Variants in SLC35A3 observed in about 807,000 individuals in gnomAD.
SLC35A3 encodes solute carrier family 35 member A3, also known as UDP-N-acetylglucosamine transporter.
SLC35A3 carries 26 observed loss-of-function variants against 39.0 expected under a neutral mutation model. The observed-to-expected ratio is 0.67, with a 90% CI of 0.49 to 0.92. SLC35A3 has a LOEUF of 0.92. SLC35A3 is among the 40% of genes least tolerant of loss of function. The pLI, the probability that SLC35A3 is intolerant of heterozygous loss-of-function variation, is 0.00. For missense variants in SLC35A3, 299 were observed against 371.6 expected (o/e 0.80, Z 1.61); for synonymous variants, 135 against 133.1 (o/e 1.01, Z -0.10).
At chr1:100,016,715 TA>T (rs1435241900) in intron 6 of SLC35A3, among the ~76,000 whole-genome samples, 1 of 152,020 alleles carries the variant, frequency 6.6e-6, no homozygotes, top group Non-Finnish European at 1.5e-5. Context: ...GAAACAAAGA[TA>T]AGTGAAAATT....
intron 4 of SLC35A3, among the ~76,000 whole-genome samples, chr1:100,010,138 A>T (rs116607626): frequency 0.013 from 2,042 of 152,256 alleles, 18 homozygotes; most frequent in Middle Eastern, 0.058. Context: ...CGATGACCCT[A>T]TTGAGGGTGA....
In SLC35A3 at chr1:100,027,601, A is replaced by C. The variant is rs954212116; in HGVS notation, c.*5125A>C. 1.3e-5 allele frequency: 2 copies of C among 157,750 alleles called. No individual in the cohort carries two copies. The highest frequency in any genetic ancestry group is 6.5e-5 in the Admixed American group (1 of 15,452). The allele number at this position is 157,750 out of a possible 1,614,324, so 9.8% of individuals were successfully genotyped here. A position where few individuals can be genotyped will look rare whatever the true frequency, so the allele number is the denominator to read the frequency against. On this transcript the variant is annotated 3_prime_UTR_variant, in exon 8 of 8. Coordinates refer to ENST00000533028, the MANE Select transcript of SLC35A3 (RefSeq NM_012243.3). ...AGCCTCAAGGTTAAGTAATTATAGA[A>C]GTTTGGTATGTATTTTCTTCATAAT...
intron 3 of SLC35A3, 127 bp downstream of exon 3, chr1:99,999,542 AT>A (rs2101199385): frequency 1.9e-6 from 1 of 538,402 alleles, no homozygotes; most frequent in Non-Finnish European, 3.2e-6. Context: ...AAATCAGGGT[AT>A]TTAGGATATT....
chr1:100,009,905 A>G (rs1337363773), intron 4 of SLC35A3, among the ~76,000 whole-genome samples: 2 of 152,150 alleles, frequency 1.3e-5, no homozygotes, highest in East Asian at 3.8e-4. Flanking sequence ...CAGCAACTGA[A>G]AATCTTGGAC....
chr1:99,993,410 T>C, intron 1 of SLC35A3, 127 bp from the exon 2 acceptor site: 1 of 665,340 alleles, frequency 1.5e-6, no homozygotes, highest in Non-Finnish European at 2.4e-6. Context: ...TTTTTCTTTT[T>C]TCTTTTTGGT....
chr1:100,019,322 A>G (rs1315460166), intron 7 of SLC35A3, among the ~76,000 whole-genome samples: 1 of 152,114 alleles, frequency 6.6e-6, no homozygotes, highest in Non-Finnish European at 1.5e-5. Flanking sequence ...TTTCTGAGGA[A>G]GTATATAAGG....
At position 100,027,941 on chromosome 1, in the gene SLC35A3, CTTTTTTTTTTTT is replaced by C. The variant is rs766486592; in HGVS notation, c.*5480_*5491del. 2 of 109,696 alleles carry C rather than the reference CTTTTTTTTTTTT, an allele frequency of 1.8e-5. No homozygotes were observed. The highest frequency in any genetic ancestry group is 3.6e-5 in the Non-Finnish European group (2 of 55,442). 6.8% of individuals were successfully genotyped at this position (109,696 alleles called of 1,614,324 possible). On this transcript the variant is annotated 3_prime_UTR_variant, in exon 8 of 8. Transcript: ENST00000533028. ...ATCTGAATCTTATAGATAATACTACCTTTTTTTTTTTTTTTTTTTTTTTTTTGAGATGGTGTC... is the reference window on the plus strand; with the variant it reads ...ATCTGAATCTTATAGATAATACTACCTTTTTTTTTTTTTTGAGATGGTGTC...
intron 1 of SLC35A3, among the ~76,000 whole-genome samples, chr1:99,987,875 G>A (rs72965765): frequency 0.032 from 4,893 of 152,182 alleles, 283 homozygotes; most frequent in African/African-American, 0.11. Context: ...TAGACTAACA[G>A]AATGTCCTTA....
chr1:100,017,591 G>A (rs1401888653), intron 6 of SLC35A3, 91 bp from the exon 7 acceptor site: 1 of 775,724 alleles, frequency 1.3e-6, no homozygotes, highest in East Asian at 3.1e-5. Context: ...GAATTTATGG[G>A]ACAAAAGCTT....
chr1:100,017,785 AT>A lies in SLC35A3; in HGVS notation c.862del (p.Trp288GlyfsTer18). 2 of 1,573,032 alleles carry A rather than the reference AT, an allele frequency of 1.3e-6. No individual in the cohort carries two copies. The highest frequency in any genetic ancestry group is 2.3e-5 in the East Asian group (1 of 42,762). On this transcript the variant is annotated frameshift_variant, in exon 7 of 8. Coordinates refer to ENST00000533028, the MANE Select transcript of SLC35A3 (RefSeq NM_012243.3). LOFTEE classifies it high-confidence loss of function. ...ATAATATTATCAACATTGATCTCCTATTTTTGGCTTCAAGATTTTGTGCCAA... is the reference window on the plus strand; with the variant it reads ...ATAATATTATCAACATTGATCTCCTATTTTGGCTTCAAGATTTTGTGCCAA... Reference protein sequence around the residue: ...LSIILSTLISYFWLQDFVPTS... With the variant: ...LSIILSTLISXFWLQDFVPTS...
chr1:99,995,476 C>T (rs1347038850), intron 2 of SLC35A3, among the ~76,000 whole-genome samples: 2 of 151,968 alleles, frequency 1.3e-5, no homozygotes, highest in African/African-American at 4.8e-5. Context: ...TTCTTTCGAA[C>T]TACATCTGGC....
rs1660734120 is a variant in SLC35A3, at chr1:100,024,114, A to G, written c.*1638A>G. 6.6e-6 allele frequency: 1 copy of G among 152,094 alleles called. No individual in the cohort carries two copies. The highest frequency in any genetic ancestry group is 1.5e-5 in the Non-Finnish European group (1 of 68,008). 9.4% of individuals were successfully genotyped at this position (152,094 alleles called of 1,614,324 possible). ...CACTGGAGCTGAGGATGCAGATTAC[A>G]TGAGTTATTTAATAAGTTGATTCAA... On this transcript the variant is annotated 3_prime_UTR_variant, in exon 8 of 8. Transcript: ENST00000533028.
At position 100,033,725 on chromosome 1, in the gene SLC35A3, A is replaced by C. The variant is rs1467262131; in HGVS notation, c.*11249A>C. Reference sequence around the variant, plus strand: ...CTATGTGACCGTCAGTGAATATATTATCTGTTCATATTTTCTGTAGTCTTA... The same window carrying C: ...CTATGTGACCGTCAGTGAATATATTCTCTGTTCATATTTTCTGTAGTCTTA... On this transcript the variant is annotated 3_prime_UTR_variant, in exon 8 of 8. Transcript: ENST00000533028. 1.3e-5 allele frequency: 2 copies of C among 152,186 alleles called. No homozygotes were observed. The highest frequency in any genetic ancestry group is 2.4e-5 in the African/African-American group (1 of 41,452). The allele number at this position is 152,186 out of a possible 1,614,324, so 9.4% of individuals were successfully genotyped here. A position where few individuals can be genotyped will look rare whatever the true frequency, so the allele number is the denominator to read the frequency against.
chr1:100,027,401 A>G lies in SLC35A3; in HGVS notation c.*4925A>G, dbSNP rs1365485146. 2.6e-6 allele frequency: 1 copy of G among 384,148 alleles called. No individual in the cohort carries two copies. The highest frequency in any genetic ancestry group is 4.6e-6 in the Non-Finnish European group (1 of 217,558). 23.8% of individuals were successfully genotyped at this position (384,148 alleles called of 1,614,324 possible). A position where few individuals can be genotyped will look rare whatever the true frequency, so the allele number is the denominator to read the frequency against. On this transcript the variant is annotated 3_prime_UTR_variant, in exon 8 of 8. Coordinates refer to ENST00000533028, the MANE Select transcript of SLC35A3 (RefSeq NM_012243.3). ...CAGCAATTTGATGCTGCAGTAAACCATGATGACACTACTGGACTCTAGCCT... is the reference window on the plus strand; with the variant it reads ...CAGCAATTTGATGCTGCAGTAAACCGTGATGACACTACTGGACTCTAGCCT...
In SLC35A3 at chr1:100,010,143, G is replaced by A. The variant is rs114277044; in HGVS notation, c.466-1222G>A. Among the ~76,000 whole-genome samples the A allele has an allele frequency of 2.9e-3, 443 of 152,270 alleles. 3 individuals are homozygous for A. Among genetic ancestry groups the A allele is most frequent in the African/African-American group, 0.01 (429 of 41,558 alleles). ...TTAAATATAGCGATGACCCTATTGA[G>A]GGTGAAGATACAGAACATTTCCATC... On this transcript the variant is annotated intron_variant, in intron 4 of 7. Coordinates refer to ENST00000533028, the MANE Select transcript of SLC35A3 (RefSeq NM_012243.3).
intron 5 of SLC35A3, among the ~76,000 whole-genome samples, chr1:100,013,399 G>A (rs116300024): frequency 0.013 from 1,962 of 146,668 alleles, 18 homozygotes; most frequent in Middle Eastern, 0.062. Context: ...GATTGTTTGA[G>A]CTTAGGAATT....
At chr1:100,011,762 C>G (rs1434224171) in intron 5 of SLC35A3, among the ~76,000 whole-genome samples, 1 of 151,084 alleles carries the variant, frequency 6.6e-6, no homozygotes, top group African/African-American at 2.4e-5. Flanking sequence ...CTCTCTCGCC[C>G]AGGCTGGAGT....
rs1206872769 is a variant in SLC35A3, at chr1:100,028,773, G to A, written c.*6297G>A. The A allele has an allele frequency of 6.6e-6, 1 of 152,242 alleles. No homozygotes were observed. The highest frequency in any genetic ancestry group is 1.5e-5 in the Non-Finnish European group (1 of 68,054). 9.4% of individuals were successfully genotyped at this position (152,242 alleles called of 1,614,324 possible). A position where few individuals can be genotyped will look rare whatever the true frequency, so the allele number is the denominator to read the frequency against. On this transcript the variant is annotated 3_prime_UTR_variant, in exon 8 of 8. Coordinates refer to ENST00000533028, the MANE Select transcript of SLC35A3 (RefSeq NM_012243.3). The stretch of plus-strand genomic sequence containing the variant: ...TTGAGCTTCTGCTATGGCTGAGAGT[G>A]TTTTGGTCATTGCAAATTCAGGGGT...
chr1:99,997,067 T>A (rs1658439122), intron 2 of SLC35A3, among the ~76,000 whole-genome samples: 2 of 151,932 alleles, frequency 1.3e-5, no homozygotes, highest in Admixed American at 1.3e-4. Context: ...CTCTAAAGGA[T>A]CTTTGGCCAT....
Sources: gnomAD v4.1 joint callset for allele counts (sites outside exome capture counted in the v4.1 genomes callset) on GRCh38, gnomAD v4.1.1 for gene constraint, MANE v1.5 for transcripts, NCBI Gene and HGNC (gene_info 2026-07-23, HGNC 2026-07-21) for gene names.